The following VAPB variants were observed in gnomAD, a reference collection of about 807,000 sequenced individuals.
The protein encoded by VAPB is VAMP associated protein B and C.
VAPB carries 7 observed loss-of-function variants against 25.6 expected under a neutral mutation model. The observed-to-expected ratio is 0.27, with a 90% confidence interval of 0.16 to 0.51. VAPB has a LOEUF of 0.51. VAPB is among the 20% of genes least tolerant of loss of function. VAPB has a pLI of 0.97. For missense variants in VAPB, 266 were observed against 301.3 expected (o/e 0.88, Z 0.87); for synonymous variants, 112 against 109.2 (o/e 1.03, Z -0.16).
chr20:58,434,030 G>GA (rs1009145914), intron 2 of VAPB, among the ~76,000 whole-genome samples: 14 of 151,634 alleles, frequency 9.2e-5, no homozygotes, highest in Admixed American at 8.5e-4. Flanking sequence ...GGTTCTTAGG[G>GA]AAAAAAAAGG....
intron 1 of VAPB, among the ~76,000 whole-genome samples, chr20:58,417,500 A>C (rs905656325): frequency 6.6e-6 from 1 of 152,254 alleles, no homozygotes; most frequent in Non-Finnish European, 1.5e-5. Context: ...AATAAATAAT[A>C]GTAATAAAAA....
At chr20:58,428,303 C>T (rs1030994553) in intron 2 of VAPB, among the ~76,000 whole-genome samples, 2 of 152,196 alleles carry the variant, frequency 1.3e-5, no homozygotes, top group African/African-American at 4.8e-5. Context: ...GGCTTCCAGG[C>T]TGTCTTCTGG....
intron 1 of VAPB, among the ~76,000 whole-genome samples, chr20:58,400,515 A>G (rs1988071418): frequency 6.6e-6 from 1 of 152,080 alleles, no homozygotes; most frequent in Non-Finnish European, 1.5e-5. Flanking sequence ...TATTGTACGA[A>G]TTGTATGTCA....
At chr20:58,395,665 A>C (rs1222712926) in intron 1 of VAPB, among the ~76,000 whole-genome samples, 1 of 152,222 alleles carries the variant, frequency 6.6e-6, no homozygotes, top group African/African-American at 2.4e-5. Context: ...TTGTGTTAAA[A>C]ACAAAGTTGC....
At chr20:58,417,552 C>T (rs563287200) in intron 1 of VAPB, among the ~76,000 whole-genome samples, 6 of 152,300 alleles carry the variant, frequency 3.9e-5, no homozygotes, top group East Asian at 1.9e-4. Context: ...TTCCCAGTAG[C>T]GTGAGTAATT....
At chr20:58,413,136 CTTCTT>C (rs1988421167) in intron 1 of VAPB, among the ~76,000 whole-genome samples, 1 of 53,174 alleles carries the variant, frequency 1.9e-5, no homozygotes, top group African/African-American at 8.2e-5. Context: ...TTGTATTTGC[CTTCTT>C]TTTTTTTTTT....
At position 58,418,294 on chromosome 20, in the gene VAPB, G is replaced by T; in HGVS notation, c.142G>T (p.Ala48Ser). Residue 48 changes from alanine (A) to serine (S), a missense_variant, in exon 2 of 6, where the codon GCA becomes TCA. Around this residue, in one of 3 missense-constraint regions of VAPB, gnomAD observed 98 missense variants for 147.1 expected, o/e 0.67. Coordinates refer to ENST00000475243, the MANE Select transcript of VAPB (RefSeq NM_004738.5). ...RNVCFKVKTTAPRRYCVRPNS... is the reference protein window; with the variant it reads ...RNVCFKVKTTSPRRYCVRPNS... ...TGTGTGTTTTAAGGTGAAGACTACA[G>T]CACCACGTAGGTACTGTGTGAGGCC... 1 of 1,614,188 alleles carries T rather than the reference G, an allele frequency of 6.2e-7. No homozygotes were observed. Among genetic ancestry groups the T allele is most frequent in the Non-Finnish European group, 8.5e-7 (1 of 1,180,026 alleles).
At chr20:58,410,942 A>C (rs966288089) in intron 1 of VAPB, among the ~76,000 whole-genome samples, 9 of 152,230 alleles carry the variant, frequency 5.9e-5, no homozygotes, top group African/African-American at 1.9e-4. Context: ...ATCCACTCAC[A>C]AAATGCTTCT....
At chr20:58,392,487 G>A (rs1419248796) in intron 1 of VAPB, among the ~76,000 whole-genome samples, 2 of 152,156 alleles carry the variant, frequency 1.3e-5, no homozygotes, top group Admixed American at 6.5e-5. Flanking sequence ...CTTAAATGAC[G>A]TCATGAGGTG....
At chr20:58,398,132 T>C (rs1988007996) in intron 1 of VAPB, among the ~76,000 whole-genome samples, 1 of 152,210 alleles carries the variant, frequency 6.6e-6, no homozygotes, top group Admixed American at 6.5e-5. Flanking sequence ...CTCAGAACCC[T>C]TAAGTTAGCC....
chr20:58,421,958 A>G lies in VAPB; in HGVS notation c.211+3595A>G, dbSNP rs566714228. ...AGTTCAGGCTCTGACCTATCATGCT[A>G]TTTTCTTCAGAACACGGCAGATCAC... is the stretch of plus-strand genomic sequence containing the variant. On this transcript the variant is annotated intron_variant, in intron 2 of 5. Coordinates refer to ENST00000475243, the MANE Select transcript of VAPB (RefSeq NM_004738.5). Among the ~76,000 whole-genome samples, 73 of 152,140 alleles carry G rather than the reference A, an allele frequency of 4.8e-4. 1 individual carries two copies. The highest frequency in any genetic ancestry group is 3.8e-4 in the East Asian group (2 of 5,202).
At chr20:58,396,984 A>G (rs1237784663) in intron 1 of VAPB, among the ~76,000 whole-genome samples, 1 of 152,180 alleles carries the variant, frequency 6.6e-6, no homozygotes, top group African/African-American at 2.4e-5. Context: ...TTAACTCATA[A>G]AGGGGTTTGT....
chr20:58,441,202 A>AT (rs1170186972), intron 5 of VAPB, 119 bp downstream of exon 5: 47 of 1,144,990 alleles, frequency 4.1e-5, no homozygotes, highest in Non-Finnish European at 5.7e-5. Flanking sequence ...GTATTTGGCT[A>AT]TTTTTTTCTC....
rs1359424735 is a variant in VAPB at position 58,444,836 on chromosome 20, C to T, written c.*601C>T. ...GGCGTGTGTTGACTGATTGACCCAGCGCTTTGGAAATAAATGGCAGTGCTT... is the reference window on the plus strand; with the variant it reads ...GGCGTGTGTTGACTGATTGACCCAGTGCTTTGGAAATAAATGGCAGTGCTT... On this transcript the variant is annotated 3_prime_UTR_variant, in exon 6 of 6. Transcript: ENST00000475243. 2.0e-5 allele frequency: 9 copies of T among 454,452 alleles called. No individual in the cohort carries two copies. The highest frequency in any genetic ancestry group is 6.9e-5 in the East Asian group (1 of 14,406). 28.2% of individuals were successfully genotyped at this position (454,452 alleles called of 1,614,324 possible).
Position 58,405,742 on chromosome 20 carries a change from C to CTTTTTT in VAPB, c.59-12448_59-12443dup. On this transcript the variant is annotated intron_variant, in intron 1 of 5. Coordinates refer to ENST00000475243, the MANE Select transcript of VAPB (RefSeq NM_004738.5). ...TGAGCCATCACGCCTGGCCAGGAGC[C>CTTTTTT]TTTTTTTTTTTTTTTTTTTTTTTTT... is the stretch of plus-strand genomic sequence containing the variant. 1.3e-3 allele frequency among the ~76,000 whole-genome samples: 55 copies of CTTTTTT among 43,468 alleles called. 18 individuals carry two copies. Among genetic ancestry groups the CTTTTTT allele is most frequent in the East Asian group, 3.8e-3 (4 of 1,064 alleles). 28.5% of individuals were successfully genotyped at this position (43,468 alleles called of 152,430 possible).
chr20:58,438,979 CA>C lies in VAPB; in HGVS notation c.354del (p.Lys118AsnfsTer18). 6.2e-7 allele frequency: 1 copy of C among 1,613,870 alleles called. No homozygotes were observed. Among genetic ancestry groups the C allele is most frequent in the Non-Finnish European group, 8.5e-7 (1 of 1,179,984 alleles). ...KEAKPEDLMD[S>X]KLRCVFELPA... ...GCAAAACCGGAAGACCTTATGGATTCAAAACTTAGATGTGTGTTTGAATTGC... is the reference window on the plus strand; with the variant it reads ...GCAAAACCGGAAGACCTTATGGATTCAAACTTAGATGTGTGTTTGAATTGC... On this transcript the variant is annotated frameshift_variant, in exon 4 of 6. Transcript: ENST00000475243. LOFTEE classifies it high-confidence loss of function.
Position 58,445,683 on chromosome 20 carries a change from T to A in VAPB, c.*1448T>A, listed in dbSNP as rs1311737914. The A allele has an allele frequency of 4.7e-6, 2 of 425,044 alleles. No individual in the cohort carries two copies. Among genetic ancestry groups the A allele is most frequent in the Middle Eastern group, 1.4e-3 (2 of 1,412 alleles). The allele number at this position is 425,044 out of a possible 1,614,324, so 26.3% of individuals were successfully genotyped here. On this transcript the variant is annotated 3_prime_UTR_variant, in exon 6 of 6. Transcript: ENST00000475243. Reference sequence around the variant, plus strand: ...AGAAATACGTGTTTCATGATTTAACTCTGTGTGTGTGTGTGTGTGTGTGTG... The same window carrying A: ...AGAAATACGTGTTTCATGATTTAACACTGTGTGTGTGTGTGTGTGTGTGTG...
chr20:58,440,833 CTACTT>C (rs1989142864), intron 4 of VAPB, 69 bp from the exon 5 acceptor site: 9 of 1,441,104 alleles, frequency 6.2e-6, no homozygotes, highest in East Asian at 2.4e-5. Flanking sequence ...TTGCTGAGAA[CTACTT>C]TACTTTGCAT....
At chr20:58,422,795 A>C (rs140328241) in intron 2 of VAPB, among the ~76,000 whole-genome samples, 103 of 152,332 alleles carry the variant, frequency 6.8e-4, no homozygotes, top group African/African-American at 2.5e-3. Context: ...ATTTCACTAA[A>C]GTAGCAAGCA....
Sources: allele counts gnomAD v4.1 joint callset (sites outside exome capture counted in the v4.1 genomes callset), GRCh38; gene constraint gnomAD v4.1.1; regional missense constraint gnomAD v4.1.1; transcripts MANE v1.5; gene names NCBI Gene and HGNC (gene_info 2026-07-23, HGNC 2026-07-21).